FAT1: variants seen among roughly 807,000 people sequenced by gnomAD.
The protein encoded by FAT1 is FAT atypical cadherin 1, also known as protocadherin Fat 1.
FAT1 carries 171 observed loss-of-function variants against 329.8 expected under a neutral mutation model. That is an observed-to-expected ratio of 0.52 (90% CI 0.46 to 0.59). FAT1 has a LOEUF of 0.59. Among genes scored for constraint, FAT1 ranks in the 20% least tolerant of loss-of-function variants. The probability of loss-of-function intolerance (pLI) is 0.00; values close to 1 mark genes in which losing one functional copy is unlikely to be tolerated. For missense variants in FAT1, 5,672 were observed against 5,774.4 expected (o/e 0.98, Z 0.57); for synonymous variants, 2,233 against 2,228.6 (o/e 1.00, Z -0.06).
chr4:186,719,006 CA>C (rs1285859304), intron 1 of FAT1, among the ~76,000 whole-genome samples: 1 of 152,210 alleles, frequency 6.6e-6, no homozygotes, highest in Non-Finnish European at 1.5e-5. Context: ...CAGAGTCCCC[CA>C]AAACAAAGAG....
intron 2 of FAT1, among the ~76,000 whole-genome samples, chr4:186,703,658 G>A (rs1744434907): frequency 6.6e-6 from 1 of 152,220 alleles, no homozygotes; most frequent in Non-Finnish European, 1.5e-5. Flanking sequence ...GTTAGGCAAA[G>A]AAGACCCTGG....
In FAT1 at chr4:186,621,434, T is replaced by C. The variant is rs1413170163; in HGVS notation, c.5152A>G (p.Thr1718Ala). 3 of 1,614,046 alleles carry C rather than the reference T, an allele frequency of 1.9e-6. No individual in the cohort carries two copies. The highest frequency in any genetic ancestry group is 2.2e-5 in the South Asian group (2 of 91,078). The change falls in exon 10 of 27, where the codon ACT becomes GCT. Residue 1718 changes from threonine (T) to alanine (A), a missense_variant. By Grantham distance (58) the Thr-to-Ala change is moderately conservative. Around this residue, in one of 2 missense-constraint regions of FAT1, gnomAD observed 3,966 missense variants for 3,915.2 expected, o/e 1.01. Transcript: ENST00000441802. ...TCCAGGGCTTTCTGAGTGATGATAG[T>C]TCCAGAATGTGGATTAATATCAAAA... The part of the protein sequence containing the change: ...DAFDINPHSG[T>A]IITQKALDFE...
intron 11 of FAT1, 28 bp from the exon 12 acceptor site, chr4:186,614,372 C>T: frequency 6.8e-7 from 1 of 1,460,028 alleles, no homozygotes; most frequent in Non-Finnish European, 9.1e-7. Context: ...AAAAACGTTA[C>T]ATAAAAGCAT....
In FAT1 at chr4:186,689,025, A is replaced by T. The variant is rs1023747619; in HGVS notation, c.3265+17538T>A. Among the ~76,000 whole-genome samples, 95 of 152,366 alleles carry T rather than the reference A, an allele frequency of 6.2e-4. 1 individual carries two copies. Among genetic ancestry groups the T allele is most frequent in the African/African-American group, 2.2e-3 (92 of 41,588 alleles). On this transcript the variant is annotated intron_variant, in intron 2 of 26. Transcript: ENST00000441802. ...AACAACAGAAAGGTCAAGTTTACAG[A>T]AAGCAACTACTTTTCAAAAAGAAGT...
chr4:186,649,408 C>G (rs1013309976), intron 3 of FAT1, among the ~76,000 whole-genome samples: 1 of 152,132 alleles, frequency 6.6e-6, no homozygotes, highest in African/African-American at 2.4e-5. Flanking sequence ...TACATACAAC[C>G]CTGGAAGCTG....
chr4:186,593,541 C>T (rs1327336321), intron 26 of FAT1, among the ~76,000 whole-genome samples: 1 of 152,140 alleles, frequency 6.6e-6, no homozygotes, highest in African/African-American at 2.4e-5. Context: ...CCCTGGATTA[C>T]CTGGGTGGGC....
At chr4:186,608,193 TTTC>T (rs1739235118) in intron 16 of FAT1, among the ~76,000 whole-genome samples, 1 of 152,178 alleles carries the variant, frequency 6.6e-6, no homozygotes, top group African/African-American at 2.4e-5. Flanking sequence ...TTGCAAATAG[TTTC>T]TTCATTTGGT....
At chr4:186,599,817 A>G in intron 22 of FAT1, 81 bp downstream of exon 22, 2 of 1,112,690 alleles carry the variant, frequency 1.8e-6, no homozygotes, top group East Asian at 2.5e-5. Flanking sequence ...AAAGAGAAAA[A>G]AATAAAAAAA....
At chr4:186,696,934 G>C (rs1321678906) in intron 2 of FAT1, among the ~76,000 whole-genome samples, 3 of 152,166 alleles carry the variant, frequency 2.0e-5, no homozygotes, top group African/African-American at 7.2e-5. Flanking sequence ...TGAGGCAGGA[G>C]AATCACTTCA....
At chr4:186,645,554 A>G (rs998205407) in intron 3 of FAT1, among the ~76,000 whole-genome samples, 28 of 151,384 alleles carry the variant, frequency 1.8e-4, no homozygotes, top group Non-Finnish European at 3.4e-4. Context: ...GTCATTTAGC[A>G]AAGTATTGAA....
intron 4 of FAT1, among the ~76,000 whole-genome samples, chr4:186,637,153 C>A (rs886149274): frequency 1.3e-5 from 2 of 152,048 alleles, no homozygotes; most frequent in Admixed American, 6.6e-5. Flanking sequence ...ACAGCTGCAC[C>A]CCTGCGCGCC....
intron 3 of FAT1, among the ~76,000 whole-genome samples, chr4:186,643,199 G>A (rs1356474760): frequency 6.6e-6 from 1 of 152,096 alleles, no homozygotes; most frequent in Non-Finnish European, 1.5e-5. Context: ...CGACAGCATG[G>A]AGCAAGGCAG....
chr4:186,601,828 A>G (rs185210146), intron 20 of FAT1: 2 of 158,038 alleles, frequency 1.3e-5, no homozygotes, highest in East Asian at 3.7e-4. Context: ...CACAGATGGC[A>G]ACTGTTACAT....
chr4:186,614,145 T>C, intron 12 of FAT1, 46 bp downstream of exon 12: 1 of 1,514,132 alleles, frequency 6.6e-7, no homozygotes, highest in Non-Finnish European at 8.9e-7. Flanking sequence ...ACATATATGA[T>C]ACTGTTGGAA....
intron 3 of FAT1, among the ~76,000 whole-genome samples, chr4:186,656,348 C>T (rs887731076): frequency 6.6e-6 from 1 of 152,188 alleles, no homozygotes; most frequent in Non-Finnish European, 1.5e-5. Context: ...TCAATGAGGG[C>T]CCAGATGCCA....
At chr4:186,601,003 C>A (rs1003268288) in intron 21 of FAT1, among the ~76,000 whole-genome samples, 3 of 152,214 alleles carry the variant, frequency 2.0e-5, no homozygotes, top group African/African-American at 7.2e-5. Flanking sequence ...TGAGCCACCA[C>A]ACCCAGCCAA....
intron 2 of FAT1, among the ~76,000 whole-genome samples, chr4:186,692,747 T>C (rs372601593): frequency 6.6e-6 from 1 of 152,162 alleles, no homozygotes; most frequent in African/African-American, 2.4e-5. Context: ...TCCAATTCCA[T>C]TTCCCCAAGT....
At position 186,595,551 on chromosome 4, in the gene FAT1, T is replaced by C. The variant is rs79403902; in HGVS notation, c.13138+138A>G. 788 of 898,604 alleles carry C rather than the reference T, an allele frequency of 8.8e-4. 12 individuals are homozygous for C. The African/African-American group carries it at 0.012, about 14-fold the overall frequency. The allele number at this position is 898,604 out of a possible 1,614,324, so 55.7% of individuals were successfully genotyped here. ...CAGCAGACATTCATGCAAGTATGTA[T>C]GGTATTGTTTAAAAGTGGTCCAAGA... is the stretch of plus-strand genomic sequence containing the variant. On this transcript the variant is annotated intron_variant, in intron 26 of 26. Coordinates refer to ENST00000441802, the MANE Select transcript of FAT1 (RefSeq NM_005245.4).
In FAT1 at chr4:186,628,655, T is replaced by C. The variant is rs138058158; in HGVS notation, c.4432A>G (p.Ile1478Val). 3.6e-4 allele frequency: 578 copies of C among 1,613,984 alleles called. 2 individuals carry two copies. In the African/African-American group the frequency reaches 7.2e-3, roughly 20 times the overall value. Residue 1478 changes from isoleucine (I) to valine (V), a missense_variant, in exon 8 of 27, where the codon ATC (isoleucine) becomes GTC (valine). Ile to Val is a conservative substitution (Grantham distance 29, BLOSUM62 3). This residue lies in a region of FAT1 where 3,966 missense variants were observed against 3,915.2 expected (regional missense o/e 1.01). Coordinates refer to ENST00000441802, the MANE Select transcript of FAT1 (RefSeq NM_005245.4). ...TTCTCATCCTGATCCACAGCACTGA[T>C]TTGCAAAATTTCTGTTTCTGGCGCT... ...DTAPETEILQISAVDQDEKNK... is the reference protein window; with the variant it reads ...DTAPETEILQVSAVDQDEKNK...
Sources: allele counts gnomAD v4.1 joint callset (sites outside exome capture counted in the v4.1 genomes callset), GRCh38; gene constraint gnomAD v4.1.1; regional missense constraint gnomAD v4.1.1; transcripts MANE v1.5; gene names NCBI Gene and HGNC (gene_info 2026-07-23, HGNC 2026-07-21).